IQGAP2: variants seen among roughly 807,000 people sequenced by gnomAD.
IQGAP2 encodes the protein ras GTPase-activating-like protein IQGAP2.
Under a neutral mutation model 201.3 loss-of-function variants are expected in IQGAP2, and 173 were observed. The observed-to-expected ratio is 0.86, with a 90% CI of 0.76 to 0.98. The LOEUF (loss-of-function observed/expected upper bound fraction) is 0.98, where lower values mean the gene tolerates loss of function less well. Among genes scored for constraint, IQGAP2 ranks in the 50% least tolerant of loss-of-function variants. The pLI, the probability that IQGAP2 is intolerant of heterozygous loss-of-function variation, is 0.00. For missense variants in IQGAP2, 1,687 were observed against 1,864.8 expected (o/e 0.90, Z 1.76); for synonymous variants, 675 against 673.9 (o/e 1.00, Z -0.03).
chr5:76,458,065 C>T (rs1200893282), intron 1 of IQGAP2, among the ~76,000 whole-genome samples: 1 of 152,128 alleles, frequency 6.6e-6, no homozygotes. Flanking sequence ...GTGACAAGTC[C>T]CTTCCTGGGC....
At chr5:76,493,302 TCTC>T (rs1756677717) in intron 2 of IQGAP2, among the ~76,000 whole-genome samples, 1 of 149,862 alleles carries the variant, frequency 6.7e-6, no homozygotes, top group Non-Finnish European at 1.5e-5. Flanking sequence ...TCTGGCCTCA[TCTC>T]CTGCTCAGCC....
chr5:76,572,457 C>T (rs1745182634), intron 4 of IQGAP2, among the ~76,000 whole-genome samples: 1 of 152,010 alleles, frequency 6.6e-6, no homozygotes, highest in African/African-American at 2.4e-5. Flanking sequence ...AGCCACTGCA[C>T]CTGGCCTGAA....
At chr5:76,475,852 T>A (rs1355850169) in intron 2 of IQGAP2, among the ~76,000 whole-genome samples, 2 of 152,102 alleles carry the variant, frequency 1.3e-5, no homozygotes, top group African/African-American at 4.8e-5. Context: ...AACCTTCAGA[T>A]GGCAAAGGGG....
intron 1 of IQGAP2, among the ~76,000 whole-genome samples, chr5:76,451,381 C>T (rs1561381378): frequency 6.6e-6 from 1 of 152,140 alleles, no homozygotes; most frequent in African/African-American, 2.4e-5. Flanking sequence ...GCAGCCTTCT[C>T]GTCACTGTCC....
rs540744402 is a variant in IQGAP2, at chr5:76,667,877, C to CTTTTTTTTTTTTTTTTTTTT, written c.2680-800_2680-781dup. Among the ~76,000 whole-genome samples the CTTTTTTTTTTTTTTTTTTTT allele has an allele frequency of 1.7e-4, 21 of 123,424 alleles. 1 individual carries two copies. The highest frequency in any genetic ancestry group is 6.6e-4 in the African/African-American group (21 of 31,946). 81.0% of individuals were successfully genotyped at this position (123,424 alleles called of 152,430 possible). A position where few individuals can be genotyped will look rare whatever the true frequency, so the allele number is the denominator to read the frequency against. On this transcript the variant is annotated intron_variant, in intron 22 of 35. Coordinates refer to ENST00000274364, the MANE Select transcript of IQGAP2 (RefSeq NM_006633.5). ...TGTAGCCGGGCCCTTAGTCCACTTT[C>CTTTTTTTTTTTTTTTTTTTT]TTTTTTTTTTTTTTTTTTTTTTTGA...
At chr5:76,466,481 G>A (rs1754786933) in intron 2 of IQGAP2, among the ~76,000 whole-genome samples, 1 of 152,166 alleles carries the variant, frequency 6.6e-6, no homozygotes, top group South Asian at 2.1e-4. Context: ...GAGACAGTAT[G>A]GTACTGGCAT....
Position 76,695,648 on chromosome 5 carries a change from T to C in IQGAP2, c.4188T>C (p.Ile1396=), listed in dbSNP as rs1746658472. 1.2e-6 allele frequency: 2 copies of C among 1,613,580 alleles called. No individual in the cohort carries two copies. The highest frequency in any genetic ancestry group is 1.7e-6 in the Non-Finnish European group (2 of 1,179,708). The part of the protein sequence containing the change: ...HVSSENKYQD[I]LNEIAKDIRN... ...CATCCGAAAATAAATACCAAGACAT[T>C]CTCAATGAGATTGCCAAGGTTTTTG... The change falls in exon 32 of 36, where the codon ATT becomes ATC. Residue 1396 remains isoleucine, a synonymous_variant. Transcript: ENST00000274364.
At chr5:76,425,371 T>C (rs1292186886) in intron 1 of IQGAP2, among the ~76,000 whole-genome samples, 1 of 152,166 alleles carries the variant, frequency 6.6e-6, no homozygotes, top group Non-Finnish European at 1.5e-5. Context: ...ACTTTTGAAG[T>C]CTGAATAGCA....
intron 13 of IQGAP2, among the ~76,000 whole-genome samples, chr5:76,612,821 A>G (rs1350596064): frequency 6.6e-6 from 1 of 152,176 alleles, no homozygotes; most frequent in East Asian, 1.9e-4. Flanking sequence ...CTGGAAGGTG[A>G]ACTAGAAGGC....
intron 2 of IQGAP2, among the ~76,000 whole-genome samples, chr5:76,555,567 C>G (rs377165478): frequency 6.6e-6 from 1 of 152,168 alleles, no homozygotes; most frequent in African/African-American, 2.4e-5. Context: ...GGCCAGGTAC[C>G]ACTCACTTGT....
intron 2 of IQGAP2, among the ~76,000 whole-genome samples, chr5:76,531,354 AC>A (rs1759279197): frequency 6.6e-6 from 1 of 152,088 alleles, no homozygotes; most frequent in Non-Finnish European, 1.5e-5. Flanking sequence ...GTAACTTCAA[AC>A]CCCTAGGCTC....
At chr5:76,691,291 T>C (rs979862) in intron 30 of IQGAP2, 25,376 of 152,188 alleles carry the variant, frequency 0.17, 2,320 homozygotes, top group Middle Eastern at 0.2. Context: ...CAAATAAACA[T>C]TCTTTGTCTT....
At chr5:76,508,180 A>G (rs1757727893) in intron 2 of IQGAP2, among the ~76,000 whole-genome samples, 1 of 150,820 alleles carries the variant, frequency 6.6e-6, no homozygotes, top group African/African-American at 2.4e-5. Flanking sequence ...AAAAAAATAC[A>G]AAAATTAGCT....
At chr5:76,499,537 C>A (rs556945207) in intron 2 of IQGAP2, among the ~76,000 whole-genome samples, 1 of 152,188 alleles carries the variant, frequency 6.6e-6, no homozygotes, top group Middle Eastern at 3.4e-3. Context: ...GCCAATTGTT[C>A]CTTAGATTTT....
intron 5 of IQGAP2, among the ~76,000 whole-genome samples, chr5:76,583,992 C>A (rs932886173): frequency 6.6e-6 from 1 of 152,034 alleles, no homozygotes; most frequent in African/African-American, 2.4e-5. Flanking sequence ...CCTGCCTCAG[C>A]CTCCCTAGTA....
chr5:76,444,287 GT>G (rs1330676114), intron 1 of IQGAP2, among the ~76,000 whole-genome samples: 4 of 151,840 alleles, frequency 2.6e-5, no homozygotes, highest in Non-Finnish European at 4.4e-5. Context: ...AAATACAAGT[GT>G]TTTTTTGTTT....
chr5:76,665,401 T>C (rs1247715876), intron 22 of IQGAP2, among the ~76,000 whole-genome samples: 1 of 152,168 alleles, frequency 6.6e-6, no homozygotes, highest in Non-Finnish European at 1.5e-5. Context: ...ATTCCTGCAT[T>C]ACAGATGAGA....
intron 2 of IQGAP2, among the ~76,000 whole-genome samples, chr5:76,478,044 TTTA>T (rs1755550640): frequency 6.6e-6 from 1 of 152,192 alleles, no homozygotes; most frequent in Non-Finnish European, 1.5e-5. Context: ...CTAGGGTTAA[TTTA>T]TTATTGAAGA....
At chr5:76,658,805 C>G (rs1462348292) in intron 21 of IQGAP2, 138 bp downstream of exon 21, 4 of 773,910 alleles carry the variant, frequency 5.2e-6, no homozygotes, top group Non-Finnish European at 8.7e-6. Flanking sequence ...CATCATAGAG[C>G]ACTTACCTAA....
Sources: gnomAD v4.1 joint callset for allele counts (sites outside exome capture counted in the v4.1 genomes callset) on GRCh38, gnomAD v4.1.1 for gene constraint, MANE v1.5 for transcripts, NCBI Gene and HGNC (gene_info 2026-07-23, HGNC 2026-07-21) for gene names.